The following ANGPT1 variants were observed in gnomAD, a reference collection of about 807,000 sequenced individuals.
ANGPT1 encodes angiopoietin 1.
In ANGPT1, 17 loss-of-function variants were observed where a neutral mutation model predicts 62.2. That is an observed-to-expected ratio of 0.27 (90% CI 0.19 to 0.41). The LOEUF (loss-of-function observed/expected upper bound fraction) is 0.41. Among genes scored for constraint, ANGPT1 ranks in the 10% least tolerant of loss-of-function variants. The pLI, the probability that ANGPT1 is intolerant of heterozygous loss-of-function variation, is 1.00. For missense variants in ANGPT1, 478 were observed against 594.9 expected (o/e 0.80, Z 2.04); for synonymous variants, 199 against 198.9 (o/e 1.00, Z 0.00).
At chr8:107,272,110 CTTATT>C (rs1813749948) in intron 7 of ANGPT1, among the ~76,000 whole-genome samples, 1 of 151,962 alleles carries the variant, frequency 6.6e-6, no homozygotes, top group African/African-American at 2.4e-5. Flanking sequence ...AAGACATTAT[CTTATT>C]TGTTTCAGAA....
chr8:107,297,500 C>T (rs1305115314), intron 5 of ANGPT1, among the ~76,000 whole-genome samples: 1 of 151,098 alleles, frequency 6.6e-6, no homozygotes, highest in East Asian at 1.9e-4. Context: ...TATGTTTATG[C>T]TACGCATTAT....
chr8:107,315,267 GAAATTTGAACTTCTT>G (rs1336285245), intron 4 of ANGPT1, among the ~76,000 whole-genome samples: 1 of 152,132 alleles, frequency 6.6e-6, no homozygotes, highest in Non-Finnish European at 1.5e-5. Flanking sequence ...CCTATGAGTT[GAAATTTGAACTTCTT>G]ATGAGAGAAT....
chr8:107,446,020 C>A (rs1344516764), intron 1 of ANGPT1, among the ~76,000 whole-genome samples: 1 of 152,126 alleles, frequency 6.6e-6, no homozygotes, highest in African/African-American at 2.4e-5. Flanking sequence ...CGGGGTCAAG[C>A]GATTCTTCTG....
chr8:107,419,264 C>A (rs1351731059), intron 1 of ANGPT1, among the ~76,000 whole-genome samples: 1 of 152,088 alleles, frequency 6.6e-6, no homozygotes, highest in Non-Finnish European at 1.5e-5. Context: ...TTGCCCTTCT[C>A]CCCTGAAGCA....
At chr8:107,311,856 A>T (rs904972459) in intron 4 of ANGPT1, among the ~76,000 whole-genome samples, 6 of 152,154 alleles carry the variant, frequency 3.9e-5, no homozygotes, top group African/African-American at 1.4e-4. Context: ...CAAGGTCAGG[A>T]GATGGAGACC....
At chr8:107,252,047 G>C (rs1157681549) in intron 8 of ANGPT1, 32 bp from the exon 9 acceptor site, 1 of 1,584,838 alleles carries the variant, frequency 6.3e-7, no homozygotes, top group Non-Finnish European at 8.6e-7. Context: ...GAAGAGAGAA[G>C]GAGAGGCAAC....
intron 2 of ANGPT1, among the ~76,000 whole-genome samples, chr8:107,336,701 A>G (rs1049294191): frequency 6.7e-6 from 1 of 149,698 alleles, no homozygotes; most frequent in Non-Finnish European, 1.5e-5. Context: ...TTTACATTCT[A>G]CTTATATTCT....
chr8:107,375,791 A>G (rs1586269895), intron 1 of ANGPT1, among the ~76,000 whole-genome samples: 2 of 152,200 alleles, frequency 1.3e-5, no homozygotes, highest in African/African-American at 4.8e-5. Context: ...AATAGGAAGC[A>G]TGAGAAACAC....
intron 1 of ANGPT1, among the ~76,000 whole-genome samples, chr8:107,495,308 G>A (rs563807729): frequency 6.6e-6 from 1 of 152,310 alleles, no homozygotes; most frequent in Non-Finnish European, 1.5e-5. Context: ...TTGAAAGGGT[G>A]AATGTAACCA....
intron 1 of ANGPT1, among the ~76,000 whole-genome samples, chr8:107,356,473 G>C (rs918890723): frequency 6.6e-6 from 1 of 152,146 alleles, no homozygotes; most frequent in Admixed American, 6.5e-5. Flanking sequence ...CTCAACGAGA[G>C]AATCTAATAA....
intron 1 of ANGPT1, among the ~76,000 whole-genome samples, chr8:107,423,827 C>CTTTTTTT (rs869079818): frequency 3.1e-4 from 23 of 74,476 alleles, no homozygotes; most frequent in Admixed American, 4.2e-4. Context: ...CTTTTCCTTT[C>CTTTTTTT]TTTTTTTTTT....
At chr8:107,468,284 A>G (rs954089357) in intron 1 of ANGPT1, among the ~76,000 whole-genome samples, 1 of 152,052 alleles carries the variant, frequency 6.6e-6, no homozygotes, top group Non-Finnish European at 1.5e-5. Flanking sequence ...TGATTCTGAC[A>G]CTGAGAAATG....
At chr8:107,416,333 T>A (rs1810743058) in intron 1 of ANGPT1, among the ~76,000 whole-genome samples, 1 of 152,196 alleles carries the variant, frequency 6.6e-6, no homozygotes, top group Admixed American at 6.5e-5. Flanking sequence ...GGGAACCATC[T>A]ACTTATATTT....
chr8:107,347,209 C>A, intron 1 of ANGPT1, 112 bp from the exon 2 acceptor site: 1 of 1,086,648 alleles, frequency 9.2e-7, no homozygotes, highest in Non-Finnish European at 1.3e-6. Flanking sequence ...AGCCATCTGG[C>A]GGGGATCCTC....
At chr8:107,372,456 G>A (rs1485368321) in intron 1 of ANGPT1, among the ~76,000 whole-genome samples, 1 of 152,104 alleles carries the variant, frequency 6.6e-6, no homozygotes, top group Non-Finnish European at 1.5e-5. Context: ...AGAACCAAAT[G>A]CATTTGTCTA....
intron 1 of ANGPT1, among the ~76,000 whole-genome samples, chr8:107,407,650 A>G (rs929110172): frequency 3.7e-4 from 56 of 152,336 alleles, no homozygotes; most frequent in African/African-American, 1.3e-3. Context: ...GAGAAAGCTC[A>G]AAGGAGTAAA....
At chr8:107,454,146 G>A (rs1349913442) in intron 1 of ANGPT1, among the ~76,000 whole-genome samples, 2 of 151,994 alleles carry the variant, frequency 1.3e-5, no homozygotes, top group African/African-American at 4.8e-5. Context: ...CACGGGTGGT[G>A]CATTCCCAGG....
intron 8 of ANGPT1, 23 bp downstream of exon 8, chr8:107,264,198 G>A: frequency 1.9e-6 from 3 of 1,604,286 alleles, no homozygotes; most frequent in South Asian, 1.1e-5. Context: ...ACATAGCTTA[G>A]AGAATGGCCC....
At chr8:107,402,900 A>T (rs1012458629) in intron 1 of ANGPT1, among the ~76,000 whole-genome samples, 1 of 152,236 alleles carries the variant, frequency 6.6e-6, no homozygotes, top group Non-Finnish European at 1.5e-5. Flanking sequence ...GGAGAAATTG[A>T]TAACGTTGTA....
Sources: allele counts gnomAD v4.1 joint callset (sites outside exome capture counted in the v4.1 genomes callset), GRCh38; gene constraint gnomAD v4.1.1; transcripts MANE v1.5; gene names NCBI Gene and HGNC (gene_info 2026-07-23, HGNC 2026-07-21).